SNX24: variants seen among roughly 807,000 people sequenced by gnomAD.
The protein encoded by SNX24 is sorting nexin-24.
In SNX24, 22 loss-of-function variants were observed where a neutral mutation model predicts 28.7. That is an observed-to-expected ratio of 0.77 (90% CI 0.55 to 1.10). The LOEUF (loss-of-function observed/expected upper bound fraction) is 1.10, where lower values mean the gene tolerates loss of function less well. SNX24 is among the 50% of genes least tolerant of loss of function. The pLI, the probability that SNX24 is intolerant of heterozygous loss-of-function variation, is 0.00. For synonymous variants in SNX24, 69 were observed against 71.5 expected (o/e 0.96, Z 0.18); for missense variants, 221 against 201.1 (o/e 1.10, Z -0.60).
intron 1 of SNX24, chr5:122,853,725 C>T (rs753141219): frequency 4.6e-5 from 18 of 387,930 alleles, no homozygotes; most frequent in African/African-American, 2.7e-4. Flanking sequence ...TGGTCTCAAG[C>T]GATCCTACCG....
At chr5:122,942,908 A>G (rs1030463644) in intron 2 of SNX24, among the ~76,000 whole-genome samples, 4 of 152,220 alleles carry the variant, frequency 2.6e-5, no homozygotes, top group African/African-American at 9.6e-5. Flanking sequence ...CCTGACATAA[A>G]TAAAAAAGGA....
chr5:122,887,067 A>G (rs1476618403), intron 1 of SNX24, among the ~76,000 whole-genome samples: 1 of 152,148 alleles, frequency 6.6e-6, no homozygotes, highest in African/African-American at 2.4e-5. Context: ...TTTATTTGCT[A>G]AAGTATAGTT....
At chr5:123,017,484 C>CA (rs1462384741) in intron 5 of SNX24, among the ~76,000 whole-genome samples, 1 of 150,636 alleles carries the variant, frequency 6.6e-6, no homozygotes. Flanking sequence ...AGCTGAAAGG[C>CA]AAGTCCAGTG....
intron 5 of SNX24, among the ~76,000 whole-genome samples, chr5:123,016,766 A>C (rs1374413047): frequency 6.6e-6 from 1 of 152,108 alleles, no homozygotes; most frequent in African/African-American, 2.4e-5. Flanking sequence ...TTCTGGCTTG[A>C]ACAACTGGGT....
At chr5:122,908,810 G>C (rs899188) in intron 1 of SNX24, among the ~76,000 whole-genome samples, 55,047 of 152,002 alleles carry the variant, frequency 0.36, 10,624 homozygotes, top group African/African-American at 0.47. Flanking sequence ...AGATCGTCAG[G>C]GTCCTCTGCT....
intron 1 of SNX24, among the ~76,000 whole-genome samples, chr5:122,933,819 C>T (rs1268963778): frequency 1.3e-5 from 2 of 151,502 alleles, no homozygotes; most frequent in Non-Finnish European, 2.9e-5. Flanking sequence ...ACACATTCAA[C>T]TCTTTTTTTC....
chr5:122,856,348 C>T (rs1225081732), intron 1 of SNX24, among the ~76,000 whole-genome samples: 2 of 152,004 alleles, frequency 1.3e-5, no homozygotes, highest in Admixed American at 6.6e-5. Context: ...GTATATGTAC[C>T]GAGATTTCTT....
chr5:122,886,142 A>G (rs1448168043), intron 1 of SNX24, among the ~76,000 whole-genome samples: 1 of 152,150 alleles, frequency 6.6e-6, no homozygotes, highest in African/African-American at 2.4e-5. Context: ...GTGCAAGGAG[A>G]TGCTACAGCT....
At chr5:122,976,933 G>C (rs946558666) in intron 3 of SNX24, among the ~76,000 whole-genome samples, 1 of 152,040 alleles carries the variant, frequency 6.6e-6, no homozygotes, top group Admixed American at 6.6e-5. Context: ...TTTTCTAATG[G>C]TATGTCTTTC....
At chr5:122,904,532 T>A (rs996959676) in intron 1 of SNX24, among the ~76,000 whole-genome samples, 5 of 152,166 alleles carry the variant, frequency 3.3e-5, no homozygotes, top group Non-Finnish European at 5.9e-5. Context: ...TTAAAAAAAA[T>A]TATTTTTTAA....
At chr5:122,915,957 T>G (rs1758141247) in intron 1 of SNX24, among the ~76,000 whole-genome samples, 1 of 152,282 alleles carries the variant, frequency 6.6e-6, no homozygotes, top group Admixed American at 6.5e-5. Flanking sequence ...TAGCCCTGGC[T>G]GGGCTCTCCT....
intron 1 of SNX24, among the ~76,000 whole-genome samples, chr5:122,884,113 T>G (rs965986831): frequency 2.6e-5 from 4 of 152,142 alleles, no homozygotes; most frequent in Admixed American, 2.6e-4. Flanking sequence ...AAGTTAGAAT[T>G]TGGAAGTCTC....
At position 122,946,093 on chromosome 5, in the gene SNX24, A is replaced by G; in HGVS notation, c.183A>G (p.Lys61=). 6.2e-7 allele frequency: 1 copy of G among 1,610,804 alleles called. No individual in the cohort carries two copies. Among genetic ancestry groups the G allele is most frequent in the Non-Finnish European group, 8.5e-7 (1 of 1,177,670 alleles). The change falls in exon 3 of 7, where the codon AAA becomes AAG. Residue 61 remains lysine, a synonymous_variant. Transcript: ENST00000261369. The part of the protein sequence containing the change: ...KCIKTPEIPS[K]HVRNWVPKVL... The stretch of plus-strand genomic sequence containing the variant: ...TAAAAACTCCAGAAATCCCTTCTAA[A>G]CATGTTAGGAACTGGGTCCCCAAAG...
chr5:122,992,208 G>A (rs921786582), intron 3 of SNX24, among the ~76,000 whole-genome samples: 1 of 152,116 alleles, frequency 6.6e-6, no homozygotes, highest in African/African-American at 2.4e-5. Flanking sequence ...AAGCAGTTTA[G>A]AGATAGCCAA....
At chr5:123,028,681 C>T in intron 5 of SNX24, 1 of 1,014,832 alleles carries the variant, frequency 9.9e-7, no homozygotes, top group Non-Finnish European at 1.5e-6. Context: ...AACTGTGTTC[C>T]TTAGCTCTGG....
intron 1 of SNX24, among the ~76,000 whole-genome samples, chr5:122,898,399 T>C (rs1581720618): frequency 6.6e-6 from 1 of 152,240 alleles, no homozygotes; most frequent in Non-Finnish European, 1.5e-5. Context: ...TTTATAACTT[T>C]TAAAATTAAG....
chr5:122,974,267 T>C (rs886938745), intron 3 of SNX24, among the ~76,000 whole-genome samples: 3 of 152,228 alleles, frequency 2.0e-5, no homozygotes, highest in African/African-American at 7.2e-5. Context: ...GGCATGCAAG[T>C]GTCTCACCAA....
At chr5:122,849,370 C>G (rs559847068) in intron 1 of SNX24, among the ~76,000 whole-genome samples, 91 of 152,080 alleles carry the variant, frequency 6.0e-4, no homozygotes, top group Non-Finnish European at 2.1e-4. Flanking sequence ...AGAGCTAGGC[C>G]GGGAAAGGTT....
intron 1 of SNX24, among the ~76,000 whole-genome samples, chr5:122,907,741 T>G (rs1757703140): frequency 6.6e-6 from 1 of 152,196 alleles, no homozygotes; most frequent in Non-Finnish European, 1.5e-5. Context: ...CTCCTGTTTA[T>G]AAGGAAAATT....
Sources: gnomAD v4.1 joint callset for allele counts (sites outside exome capture counted in the v4.1 genomes callset) on GRCh38, gnomAD v4.1.1 for gene constraint, MANE v1.5 for transcripts, NCBI Gene and HGNC (gene_info 2026-07-23, HGNC 2026-07-21) for gene names.